The following HGS variants were observed in gnomAD, a reference collection of about 807,000 sequenced individuals.
HGS encodes human growth factor-regulated tyrosine kinase substrate.
In HGS, 63 loss-of-function variants were observed where a neutral mutation model predicts 109.7. The ratio of observed to expected loss-of-function variants is 0.57; its 90% CI spans 0.47 to 0.71. HGS has a LOEUF of 0.71. Among genes scored for constraint, HGS ranks in the 30% least tolerant of loss-of-function variants. The pLI is 0.00. For synonymous variants in HGS, 546 were observed against 437.3 expected (o/e 1.25, Z -3.10); for missense variants, 995 against 1,068.3 (o/e 0.93, Z 0.96).
rs574302129 is a variant in HGS, at chr17:81,701,691, G to A, written c.*73G>A. The A allele has an allele frequency of 2.2e-3, 3,250 of 1,500,434 alleles. 7 individuals carry two copies. Among genetic ancestry groups the A allele is most frequent in the Middle Eastern group, 2.7e-3 (16 of 5,850 alleles). The allele number at this position is 1,500,434 out of a possible 1,614,324, so 92.9% of individuals were successfully genotyped here. On this transcript the variant is annotated 3_prime_UTR_variant, in exon 22 of 22. Coordinates refer to ENST00000329138, the MANE Select transcript of HGS (RefSeq NM_004712.5). ...AAACGCCTCGTCTCTAACTGCCGTC[G>A]TCCTGCCTCCCTGTCCTCTACTGCC...
At chr17:81,688,325 G>T (rs904106470) in intron 4 of HGS, among the ~76,000 whole-genome samples, 1 of 151,776 alleles carries the variant, frequency 6.6e-6, no homozygotes, top group African/African-American at 2.4e-5. Flanking sequence ...CGTGGCCAGA[G>T]CCCCGCAGTA....
chr17:81,698,956 A>G (rs1598750746), intron 18 of HGS, among the ~76,000 whole-genome samples: 2 of 152,066 alleles, frequency 1.3e-5, no homozygotes, highest in African/African-American at 4.8e-5. Flanking sequence ...AATCCCAGCT[A>G]CTTGGGAGGC....
Position 81,686,402 on chromosome 17 carries a change from G to A in HGS, c.198+15G>A, listed in dbSNP as rs777089649. ...ATGCCCTGGAGGTAAGCAGACCCCC[G>A]TGCCTCAGTGGCCCCCAGGGTCCCT... On this transcript the variant is annotated intron_variant, in intron 3 of 21. Transcript: ENST00000329138. 1.7e-5 allele frequency: 27 copies of A among 1,606,488 alleles called. No individual in the cohort carries two copies. The highest frequency in any genetic ancestry group is 9.9e-5 in the South Asian group (9 of 90,908).
Position 81,702,071 on chromosome 17 carries a change from C to T in HGS, c.*453C>T, listed in dbSNP as rs2037247034. 6.1e-6 allele frequency: 1 copy of T among 162,754 alleles called. No homozygotes were observed. The allele number at this position is 162,754 out of a possible 1,614,324, so 10.1% of individuals were successfully genotyped here. ...AGCTTCTCTGCTTCTCAGCTGCCAT[C>T]TCCAGTGCCCCAGAATGGTACAGCG... On this transcript the variant is annotated 3_prime_UTR_variant, in exon 22 of 22. Coordinates refer to ENST00000329138, the MANE Select transcript of HGS (RefSeq NM_004712.5).
intron 7 of HGS, 175 bp downstream of exon 7, chr17:81,690,917 A>G: frequency 7.0e-6 from 4 of 572,008 alleles, no homozygotes; most frequent in South Asian, 4.4e-5. Flanking sequence ...GGCCCACGTA[A>G]GGGCCTGATG....
chr17:81,692,954 T>G (rs1426681653), intron 8 of HGS: 3 of 151,770 alleles, frequency 2.0e-5, no homozygotes, highest in South Asian at 2.1e-4. Context: ...GAGATTGCAG[T>G]GAGCCAAGAT....
intron 12 of HGS, 32 bp downstream of exon 12, chr17:81,694,885 G>C (rs370344456): frequency 1.2e-6 from 2 of 1,614,018 alleles, no homozygotes; most frequent in African/African-American, 1.3e-5. Flanking sequence ...ATCCTCTCAC[G>C]GTTTCTGGCC....
intron 11 of HGS, 55 bp downstream of exon 11, chr17:81,694,020 G>C (rs1320855619): frequency 1.2e-5 from 17 of 1,465,052 alleles, no homozygotes; most frequent in Non-Finnish European, 1.4e-5. Context: ...GGGTTGATGG[G>C]GGACGCGGGT....
At chr17:81,696,571 A>G (rs747187748) in intron 16 of HGS, 36 bp from the exon 17 acceptor site, 16 of 1,555,798 alleles carry the variant, frequency 1.0e-5, no homozygotes, top group Non-Finnish European at 1.3e-5. Flanking sequence ...CGGCTGGGGG[A>G]CCTCGCAGCA....
intron 5 of HGS, 87 bp from the exon 6 acceptor site, chr17:81,690,095 T>A: frequency 7.0e-7 from 1 of 1,437,554 alleles, no homozygotes; most frequent in Non-Finnish European, 9.7e-7. Flanking sequence ...CACTGCTGCG[T>A]TGCAGCTGCC....
In HGS at chr17:81,691,375, G is replaced by A. The variant is rs1414986491; in HGVS notation, c.538-72G>A. The A allele has an allele frequency of 3.8e-6, 6 of 1,597,358 alleles. No homozygotes were observed. In the East Asian group the frequency reaches 1.3e-4, roughly 36 times the overall value. ...AGGCCCAGCTTCGGCATCGTACGGG[G>A]TGGTTCTGGGCCGGGTGGCGCATCA... On this transcript the variant is annotated intron_variant, in intron 7 of 21. Transcript: ENST00000329138. This position sits in a 1 kb window ranked among gnomAD's most constrained non-coding sequence, Gnocchi z 5.3.
chr17:81,701,284 C>A, intron 21 of HGS, 153 bp downstream of exon 21: 3 of 812,250 alleles, frequency 3.7e-6, no homozygotes, highest in Non-Finnish European at 4.0e-6. Context: ...GCAGACAGAA[C>A]GAGGACACAA....
chr17:81,686,954 G>A (rs754736304), intron 3 of HGS, 49 bp from the exon 4 acceptor site: 4 of 1,491,960 alleles, frequency 2.7e-6, no homozygotes, highest in African/African-American at 2.7e-5. Flanking sequence ...AGGAGGAGGG[G>A]CCCTGCCCTG....
chr17:81,690,327 G>A, intron 6 of HGS, 93 bp downstream of exon 6: 2 of 1,310,936 alleles, frequency 1.5e-6, no homozygotes, highest in Non-Finnish European at 1.1e-6. Context: ...GAGGGTTGGT[G>A]GCTGAGCTCT....
intron 6 of HGS, 169 bp from the exon 7 acceptor site, chr17:81,690,505 G>A (rs2037047135): frequency 6.2e-6 from 4 of 645,566 alleles, no homozygotes; most frequent in South Asian, 4.0e-5. Flanking sequence ...CTCAGGCCTC[G>A]GCAGCTTCAC....
At chr17:81,698,010 A>G (rs540405222) in intron 18 of HGS, 60 of 152,092 alleles carry the variant, frequency 3.9e-4, no homozygotes, top group African/African-American at 1.4e-3. Context: ...GGCTAATTAA[A>G]AAAAAAAGGG....
chr17:81,685,748 C>G, intron 2 of HGS, 59 bp downstream of exon 2: 1 of 1,357,446 alleles, frequency 7.4e-7, no homozygotes, highest in Non-Finnish European at 1.0e-6. Flanking sequence ...AAGCTGGGCT[C>G]GCTTGGTGCC....
Position 81,693,538 on chromosome 17 carries a change from T to C in HGS, c.698T>C (p.Leu233Pro). The C allele has an allele frequency of 1.9e-6, 3 of 1,613,240 alleles. No homozygotes were observed. The highest frequency in any genetic ancestry group is 1.1e-5 in the South Asian group (1 of 91,028). ...GGAAAGGCCACTTCCACCACTGAGC[T>C]GCCCCCCGAGTACCTGACCAGCCCC... is the stretch of plus-strand genomic sequence containing the variant. Reference protein sequence around the residue: ...AEGKATSTTELPPEYLTSPLS... With the variant: ...AEGKATSTTEPPPEYLTSPLS... Residue 233 changes from leucine to proline, a missense_variant, in exon 9 of 22, where the codon CTG (leucine) becomes CCG (proline). Leu to Pro is a moderately conservative substitution (Grantham distance 98). Around this residue, in one of 6 missense-constraint regions of HGS, gnomAD observed 300 missense variants for 235.4 expected, o/e 1.27. Transcript: ENST00000329138.
At chr17:81,695,345 C>T in intron 14 of HGS, 122 bp downstream of exon 14, 4 of 1,056,254 alleles carry the variant, frequency 3.8e-6, no homozygotes, top group South Asian at 1.4e-5. Context: ...GTGTCTGCCC[C>T]AGCCCAGCCC....
Sources: allele counts gnomAD v4.1 joint callset (sites outside exome capture counted in the v4.1 genomes callset), GRCh38; gene constraint gnomAD v4.1.1; regional missense constraint gnomAD v4.1.1; non-coding constraint Gnocchi (gnomAD v3.1); transcripts MANE v1.5; gene names NCBI Gene and HGNC (gene_info 2026-07-23, HGNC 2026-07-21).